EXOC4: variants seen among roughly 807,000 people sequenced by gnomAD.
The protein encoded by EXOC4 is exocyst complex component 4, also known as SEC8-like 1.
EXOC4 carries 71 observed loss-of-function variants against 107.2 expected under a neutral mutation model. That is an observed-to-expected ratio of 0.66 (90% CI 0.55 to 0.81). The LOEUF (loss-of-function observed/expected upper bound fraction) is 0.81. EXOC4 is among the 30% of genes least tolerant of loss of function. The probability of loss-of-function intolerance (pLI) is 0.00; values close to 1 mark genes in which losing one functional copy is unlikely to be tolerated. For missense variants in EXOC4, 1,108 were observed against 1,189.6 expected, an observed-to-expected ratio of 0.93 and a Z score of 1.01; for synonymous variants, 456 against 441.2, an observed-to-expected ratio of 1.03 and a Z score of -0.42.
chr7:133,971,334 GTATATATATATA>G (rs1206467959), intron 14 of EXOC4, among the ~76,000 whole-genome samples: 14 of 41,792 alleles, frequency 3.3e-4, no homozygotes, highest in East Asian at 1.3e-3. Context: ...GGGAAAATGT[GTATATATATATA>G]TATATATATA....
At chr7:133,594,491 G>GTTTTTTTTT (rs1302445068) in intron 9 of EXOC4, among the ~76,000 whole-genome samples, 3 of 23,678 alleles carry the variant, frequency 1.3e-4, no homozygotes, top group African/African-American at 1.7e-4. Flanking sequence ...ATAAGCTTGA[G>GTTTTTTTTT]TCTTTTTTTT....
chr7:133,979,757 C>T (rs1454844442), intron 14 of EXOC4, among the ~76,000 whole-genome samples: 2 of 151,808 alleles, frequency 1.3e-5, no homozygotes, highest in Non-Finnish European at 2.9e-5. Context: ...CACTGCACTC[C>T]AGCCTGGGCG....
At chr7:133,986,669 T>C (rs1794121266) in intron 14 of EXOC4, among the ~76,000 whole-genome samples, 1 of 152,254 alleles carries the variant, frequency 6.6e-6, no homozygotes, top group Admixed American at 6.5e-5. Context: ...ATAATTTATT[T>C]CTTAAACATG....
chr7:133,536,217 A>G (rs1461086792), intron 9 of EXOC4, among the ~76,000 whole-genome samples: 4 of 152,208 alleles, frequency 2.6e-5, no homozygotes, highest in Non-Finnish European at 4.4e-5. Flanking sequence ...AATGCCTGCC[A>G]TGGTCCCTTA....
chr7:133,812,406 CTG>C lies in EXOC4; in HGVS notation c.1515-4916_1515-4915del, dbSNP rs921716125. ...GAGAGGCTAAGTAACCTGCTCGAGA[CTG>C]TGCATTCCAGGTCCAAACTCTGGAA... On this transcript the variant is annotated intron_variant, in intron 10 of 17. Coordinates refer to ENST00000253861, the MANE Select transcript of EXOC4 (RefSeq NM_021807.4). Among the ~76,000 whole-genome samples, 45 of 152,266 alleles carry C rather than the reference CTG, an allele frequency of 3.0e-4. 1 individual carries two copies. The highest frequency in any genetic ancestry group is 1.1e-3 in the African/African-American group (45 of 41,560).
At chr7:133,642,595 C>G (rs1426071931) in intron 10 of EXOC4, among the ~76,000 whole-genome samples, 1 of 152,134 alleles carries the variant, frequency 6.6e-6, no homozygotes, top group Non-Finnish European at 1.5e-5. Context: ...GTTGCCATTG[C>G]TTTAGTCGCT....
At chr7:133,599,983 C>T (rs977777417) in intron 9 of EXOC4, among the ~76,000 whole-genome samples, 66 of 144,402 alleles carry the variant, frequency 4.6e-4, no homozygotes, top group African/African-American at 1.6e-3. Flanking sequence ...TCACTGCATC[C>T]TAAACCTCCT....
intron 7 of EXOC4, among the ~76,000 whole-genome samples, chr7:133,432,118 T>C (rs143005195): frequency 6.6e-6 from 1 of 152,284 alleles, no homozygotes; most frequent in Non-Finnish European, 1.5e-5. Flanking sequence ...TGGTCTAGTC[T>C]ATCCCTTTAA....
At chr7:134,084,943 A>G in the EXOC4 span, among the ~76,000 whole-genome samples, 1,080 of 152,262 alleles carry the variant, frequency 7.1e-3, 12 homozygotes, top group African/African-American at 0.024. Flanking sequence ...AGTGACATAC[A>G]GAAATCGGAA....
chr7:133,695,780 A>G (rs1202016424), intron 10 of EXOC4, among the ~76,000 whole-genome samples: 1 of 152,180 alleles, frequency 6.6e-6, no homozygotes, highest in Non-Finnish European at 1.5e-5. Flanking sequence ...AGCAATTTAC[A>G]AATTTGAAAT....
chr7:133,348,413 A>G (rs1241122310), intron 5 of EXOC4, among the ~76,000 whole-genome samples: 2 of 152,150 alleles, frequency 1.3e-5, no homozygotes, highest in Non-Finnish European at 2.9e-5. Context: ...ATTAGTGTGT[A>G]TGTAAGTGGC....
chr7:133,604,706 C>CCTTCTTTTTTTTTTTTTTTT (rs1191856891), intron 9 of EXOC4, among the ~76,000 whole-genome samples: 1 of 87,536 alleles, frequency 1.1e-5, no homozygotes, highest in African/African-American at 4.4e-5. Flanking sequence ...TTCCTTCCTT[C>CCTTCTTTTTTTTTTTTTTTT]TTTCTTTTTT....
chr7:133,548,650 C>T (rs1428381153), intron 9 of EXOC4, among the ~76,000 whole-genome samples: 1 of 152,208 alleles, frequency 6.6e-6, no homozygotes, highest in Non-Finnish European at 1.5e-5. Flanking sequence ...TTCCTTAAAC[C>T]TAATGAACCA....
chr7:134,087,512 A>C, the EXOC4 span, among the ~76,000 whole-genome samples: 4 of 152,218 alleles, frequency 2.6e-5, no homozygotes, highest in Non-Finnish European at 5.9e-5. Flanking sequence ...GTAAGGCAAA[A>C]TACGTAAAAT....
intron 5 of EXOC4, among the ~76,000 whole-genome samples, chr7:133,354,043 TTTG>T (rs1795969787): frequency 6.6e-6 from 1 of 152,058 alleles, no homozygotes; most frequent in Non-Finnish European, 1.5e-5. Flanking sequence ...CTCTTTATTT[TTTG>T]TTATTTGAGC....
At chr7:133,520,377 A>G (rs2150909469) in intron 9 of EXOC4, among the ~76,000 whole-genome samples, 1 of 152,276 alleles carries the variant, frequency 6.6e-6, no homozygotes, top group African/African-American at 2.4e-5. Flanking sequence ...AGTCTAGTCC[A>G]GAAGGCATTT....
At chr7:133,360,601 A>G (rs949346700) in intron 6 of EXOC4, among the ~76,000 whole-genome samples, 2 of 152,156 alleles carry the variant, frequency 1.3e-5, no homozygotes, top group African/African-American at 2.4e-5. Flanking sequence ...AAAGCAGAGA[A>G]CTTTGTGGGT....
In EXOC4 at chr7:134,065,634, G is replaced by A. The variant is rs1414672618; in HGVS notation, c.*1106G>A. On this transcript the variant is annotated 3_prime_UTR_variant, in exon 18 of 18. Transcript: ENST00000253861. ...AAAACTCGTGGAAAGGGAAAGGGGAGGAGATGGGACTTTGACCACACACAG... is the reference window on the plus strand; with the variant it reads ...AAAACTCGTGGAAAGGGAAAGGGGAAGAGATGGGACTTTGACCACACACAG... The A allele has an allele frequency of 6.6e-6, 1 of 152,412 alleles. No homozygotes were observed. The highest frequency in any genetic ancestry group is 2.4e-5 in the African/African-American group (1 of 41,430). 9.4% of individuals were successfully genotyped at this position (152,412 alleles called of 1,614,324 possible).
At chr7:133,680,335 A>G (rs540325339) in intron 10 of EXOC4, among the ~76,000 whole-genome samples, 28 of 152,310 alleles carry the variant, frequency 1.8e-4, no homozygotes, top group African/African-American at 2.2e-4. Flanking sequence ...ATTTAACAAT[A>G]TAGTTAACAC....
Sources: gnomAD v4.1 joint callset for allele counts (sites outside exome capture counted in the v4.1 genomes callset) on GRCh38, gnomAD v4.1.1 for gene constraint, MANE v1.5 for transcripts, NCBI Gene and HGNC (gene_info 2026-07-23, HGNC 2026-07-21) for gene names.